PCDHGB7: variants seen among roughly 807,000 people sequenced by gnomAD.
The protein encoded by PCDHGB7 is protocadherin gamma-B7.
In PCDHGB7, 37 loss-of-function variants were observed where a neutral mutation model predicts 61.4. The ratio of observed to expected loss-of-function variants is 0.60; its 90% CI spans 0.46 to 0.79. The LOEUF is 0.79. Ranked by LOEUF, PCDHGB7 falls within the 30% of genes least tolerant of loss-of-function variation. PCDHGB7 has a pLI of 0.00. For synonymous variants in PCDHGB7, 464 were observed against 503.5 expected, an observed-to-expected ratio of 0.92 and a Z score of 1.05; for missense variants, 1,166 against 1,202.5, an observed-to-expected ratio of 0.97 and a Z score of 0.45.
intron 3 of PCDHGB7, among the ~76,000 whole-genome samples, chr5:141,510,272 TAAAAAA>T (rs546154379): frequency 7.7e-6 from 1 of 130,390 alleles, no homozygotes; most frequent in Non-Finnish European, 1.6e-5. Context: ...GACTCCATCT[TAAAAAA>T]AAAAAAAAAA....
chr5:141,424,750 A>T (rs2096838482), intron 1 of PCDHGB7: 1 of 152,114 alleles, frequency 6.6e-6, no homozygotes, highest in Admixed American at 6.5e-5. Context: ...CTTTCTTTAT[A>T]AGGTCATTCT....
chr5:141,427,928 G>A (rs1178662640), intron 1 of PCDHGB7: 2 of 1,583,504 alleles, frequency 1.3e-6, no homozygotes. Flanking sequence ...GCCGGCGCAT[G>A]TTGGTGGGCG....
At position 141,489,861 on chromosome 5, in the gene PCDHGB7, A is replaced by G. The variant is rs1221756350; in HGVS notation, c.2416-4946A>G. The G allele has an allele frequency of 1.2e-5, 19 of 1,614,058 alleles. No individual in the cohort carries two copies. Among genetic ancestry groups the G allele is most frequent in the Non-Finnish European group, 1.5e-5 (18 of 1,179,998 alleles). On this transcript the variant is annotated intron_variant, in intron 1 of 3. Transcript: ENST00000398594. The surrounding 1 kb of genome is among the most constrained non-coding windows in gnomAD (Gnocchi z 4.5). ...AGCTGGATCGTGAAGCCCAGGCAAGACATCAGCTGGTGCTTACTGCTGTGG... is the reference window on the plus strand; with the variant it reads ...AGCTGGATCGTGAAGCCCAGGCAAGGCATCAGCTGGTGCTTACTGCTGTGG...
Position 141,490,867 on chromosome 5 carries a change from C to G in PCDHGB7, c.2416-3940C>G. ...GGGGGTTCGAGACTCCGGCTCTCCC[C>G]CATTGCATGCCAACACATCTCTGCA... On this transcript the variant is annotated intron_variant, in intron 1 of 3. Coordinates refer to ENST00000398594, the MANE Select transcript of PCDHGB7 (RefSeq NM_018927.4). This position sits in a 1 kb window ranked among gnomAD's most constrained non-coding sequence, Gnocchi z 5.4. 6.2e-7 allele frequency: 1 copy of G among 1,613,912 alleles called. No individual in the cohort carries two copies. The highest frequency in any genetic ancestry group is 8.5e-7 in the Non-Finnish European group (1 of 1,179,936).
intron 1 of PCDHGB7, chr5:141,427,539 A>G: frequency 1.6e-6 from 1 of 632,868 alleles, no homozygotes; most frequent in Non-Finnish European, 2.9e-6. Context: ...GTACAACGTC[A>G]CCATCACTGC....
chr5:141,425,587 T>G (rs2096884432), intron 1 of PCDHGB7, among the ~76,000 whole-genome samples: 2 of 152,226 alleles, frequency 1.3e-5, no homozygotes. Flanking sequence ...CTAACTTTAT[T>G]CTGAATATGC....
chr5:141,501,311 AC>A (rs2099807696), intron 2 of PCDHGB7, among the ~76,000 whole-genome samples: 1 of 151,670 alleles, frequency 6.6e-6, no homozygotes, highest in Non-Finnish European at 1.5e-5. Context: ...ACACACACAC[AC>A]ACACACACAC....
At chr5:141,443,604 G>A (rs1561911807) in intron 1 of PCDHGB7, among the ~76,000 whole-genome samples, 1 of 152,194 alleles carries the variant, frequency 6.6e-6, no homozygotes, top group Non-Finnish European at 1.5e-5. Context: ...TATATGAAAT[G>A]TTCTTATAAT....
Position 141,431,706 on chromosome 5 carries a change from A to T in PCDHGB7, c.2415+11432A>T. The T allele has an allele frequency of 6.2e-7, 1 of 1,614,248 alleles. No homozygotes were observed. The highest frequency in any genetic ancestry group is 8.5e-7 in the Non-Finnish European group (1 of 1,180,048). On this transcript the variant is annotated intron_variant, in intron 1 of 3. Coordinates refer to ENST00000398594, the MANE Select transcript of PCDHGB7 (RefSeq NM_018927.4). The surrounding 1 kb of genome is among the most constrained non-coding windows in gnomAD (Gnocchi z 4.8). ...GACCACGAGGAGTCAGGATTCTACC[A>T]GATGGAAGTGCAAGCAATGGATAAT...
rs941528168 is a variant in PCDHGB7, at chr5:141,476,433, T to C, written c.2416-18374T>C. 2 of 1,614,094 alleles carry C rather than the reference T, an allele frequency of 1.2e-6. No individual in the cohort carries two copies. The highest frequency in any genetic ancestry group is 2.2e-5 in the East Asian group (1 of 44,856). ...TGTGGGACACTGCCCTCTTGCACTGTAACTCTGGAGTTGGTAGTGGAGAAC... is the reference window on the plus strand; with the variant it reads ...TGTGGGACACTGCCCTCTTGCACTGCAACTCTGGAGTTGGTAGTGGAGAAC... On this transcript the variant is annotated intron_variant, in intron 1 of 3. Coordinates refer to ENST00000398594, the MANE Select transcript of PCDHGB7 (RefSeq NM_018927.4). This position sits in a 1 kb window ranked among gnomAD's most constrained non-coding sequence, Gnocchi z 7.6.
At chr5:141,455,503 T>C (rs1005615473) in intron 1 of PCDHGB7, among the ~76,000 whole-genome samples, 3 of 152,302 alleles carry the variant, frequency 2.0e-5, no homozygotes, top group Middle Eastern at 3.4e-3. Context: ...CTGATTTGCA[T>C]AGGGCTCAGG....
At position 141,486,218 on chromosome 5, in the gene PCDHGB7, T is replaced by A. The variant is rs1467104398; in HGVS notation, c.2416-8589T>A. The A allele has an allele frequency of 2.5e-6, 4 of 1,614,004 alleles. No homozygotes were observed. The African/African-American group carries it at 5.3e-5, about 22-fold the overall frequency. On this transcript the variant is annotated intron_variant, in intron 1 of 3. Transcript: ENST00000398594. The surrounding 1 kb of genome is among the most constrained non-coding windows in gnomAD (Gnocchi z 5.0). ...GCTGGACGTAAATGACAATGCCCCT[T>A]ACATCACAGTGACCTCAGAGCTTGG...
In PCDHGB7 at chr5:141,491,667, G is replaced by C. The variant is rs746903142; in HGVS notation, c.2416-3140G>C. The C allele has an allele frequency of 3.7e-6, 6 of 1,613,678 alleles. No individual in the cohort carries two copies. The South Asian group carries it at 6.6e-5, about 18-fold the overall frequency. On this transcript the variant is annotated intron_variant, in intron 1 of 3. Transcript: ENST00000398594. This position sits in a 1 kb window ranked among gnomAD's most constrained non-coding sequence, Gnocchi z 6.9. Reference sequence around the variant, plus strand: ...TGGCGCTGGAGCCTGACGCCATCCGGTCCCGCTCTAATACGCTGCGGGAGC... The same window carrying C: ...TGGCGCTGGAGCCTGACGCCATCCGCTCCCGCTCTAATACGCTGCGGGAGC...
chr5:141,498,273 A>G (rs1595516143), intron 2 of PCDHGB7, among the ~76,000 whole-genome samples: 1 of 152,038 alleles, frequency 6.6e-6, no homozygotes, highest in East Asian at 1.9e-4. Flanking sequence ...TCTTCAGTAA[A>G]CTTGGTTCAA....
chr5:141,478,481 C>A, intron 1 of PCDHGB7: 1 of 1,613,576 alleles, frequency 6.2e-7, no homozygotes, highest in South Asian at 1.1e-5. Flanking sequence ...CCAGAACACG[C>A]TGCGGAGCTG....
At chr5:141,423,360 G>A (rs762976655) in intron 1 of PCDHGB7, 1 of 1,614,224 alleles carries the variant, frequency 6.2e-7, no homozygotes, top group Non-Finnish European at 8.5e-7. Context: ...TTGTCATCGT[G>A]CTGCTGGCAC....
At chr5:141,429,378 T>G (rs890583768) in intron 1 of PCDHGB7, among the ~76,000 whole-genome samples, 3 of 105,336 alleles carry the variant, frequency 2.8e-5, no homozygotes, top group African/African-American at 5.2e-5. Flanking sequence ...AGAAAATGTG[T>G]TTTTTTTTTA....
chr5:141,490,726 AATCAGG>A lies in PCDHGB7; in HGVS notation c.2416-4080_2416-4075del. The A allele has an allele frequency of 6.2e-7, 1 of 1,614,202 alleles. No homozygotes were observed. The highest frequency in any genetic ancestry group is 8.5e-7 in the Non-Finnish European group (1 of 1,180,032). On this transcript the variant is annotated intron_variant, in intron 1 of 3. Transcript: ENST00000398594. This position sits in a 1 kb window ranked among gnomAD's most constrained non-coding sequence, Gnocchi z 5.4. Reference sequence around the variant, plus strand: ...CCGCCTCACCTACTCCATTGTAGGAAATCAGGTTCAGGGAGCCCCAGCCTCCTCCTT... The same window carrying A: ...CCGCCTCACCTACTCCATTGTAGGAATTCAGGGAGCCCCAGCCTCCTCCTT...
Position 141,431,587 on chromosome 5 carries a change from A to C in PCDHGB7, c.2415+11313A>C. On this transcript the variant is annotated intron_variant, in intron 1 of 3. Coordinates refer to ENST00000398594, the MANE Select transcript of PCDHGB7 (RefSeq NM_018927.4). This position sits in a 1 kb window ranked among gnomAD's most constrained non-coding sequence, Gnocchi z 4.8. ...ACCCTGACGAAGGAGTCAATGCGGA[A>C]GTGAGGTATTCCTTCCGGTATGTGG... The C allele has an allele frequency of 1.2e-6, 2 of 1,614,236 alleles. No homozygotes were observed. Among genetic ancestry groups the C allele is most frequent in the Non-Finnish European group, 1.7e-6 (2 of 1,180,036 alleles).
Sources: gnomAD v4.1 joint callset for allele counts (sites outside exome capture counted in the v4.1 genomes callset) on GRCh38, gnomAD v4.1.1 for gene constraint, Gnocchi (gnomAD v3.1) non-coding constraint, MANE v1.5 for transcripts, NCBI Gene and HGNC (gene_info 2026-07-23, HGNC 2026-07-21) for gene names.